PRKN: variants seen among roughly 807,000 people sequenced by gnomAD.
PRKN encodes the protein E3 ubiquitin-protein ligase parkin.
In PRKN, 56 loss-of-function variants were observed where a neutral mutation model predicts 59.5. The observed-to-expected ratio is 0.94, with a 90% confidence interval of 0.76 to 1.18. The LOEUF is 1.18. Among genes scored for constraint, PRKN ranks in the 50% most tolerant of loss-of-function variants. PRKN has a pLI of 0.00. For synonymous variants in PRKN, 250 were observed against 222.1 expected (o/e 1.13, Z -1.12); for missense variants, 657 against 596.4 (o/e 1.10, Z -1.06).
intron 5 of PRKN, among the ~76,000 whole-genome samples, chr6:162,047,054 C>A (rs1030219428): frequency 6.6e-6 from 1 of 152,136 alleles, no homozygotes; most frequent in African/African-American, 2.4e-5. Context: ...TGTCAGACAA[C>A]AGAGAACACT....
intron 7 of PRKN, among the ~76,000 whole-genome samples, chr6:161,614,420 A>C (rs1782612900): frequency 6.6e-6 from 1 of 152,226 alleles, no homozygotes; most frequent in Non-Finnish European, 1.5e-5. Context: ...GACAAACATA[A>C]TTTAAACAAA....
intron 7 of PRKN, among the ~76,000 whole-genome samples, chr6:161,763,047 C>T (rs1365889557): frequency 1.3e-5 from 2 of 152,188 alleles, no homozygotes; most frequent in Admixed American, 6.5e-5. Flanking sequence ...TCCTGACCTT[C>T]CTAGTGGCCT....
chr6:162,014,572 C>A lies in PRKN; in HGVS notation c.618+39519G>T, dbSNP rs530174833. On this transcript the variant is annotated intron_variant, in intron 5 of 11. Transcript: ENST00000366898. ...CGCACGGATCCACCTGACCCTTGACCAGTGCACCATTCCATGGAGGAAACA... is the reference window on the plus strand; with the variant it reads ...CGCACGGATCCACCTGACCCTTGACAAGTGCACCATTCCATGGAGGAAACA... 3.3e-5 allele frequency among the ~76,000 whole-genome samples: 5 copies of A among 152,310 alleles called. No homozygotes were observed. In the East Asian group the frequency reaches 9.7e-4, roughly 29 times the overall value.
intron 5 of PRKN, among the ~76,000 whole-genome samples, chr6:161,994,528 G>C (rs1403297056): frequency 6.6e-6 from 1 of 151,968 alleles, no homozygotes; most frequent in Non-Finnish European, 1.5e-5. Flanking sequence ...AGAAAGTCAA[G>C]TTGTCCCTCT....
chr6:162,275,798 C>T (rs1014345127), intron 2 of PRKN, among the ~76,000 whole-genome samples: 7 of 147,810 alleles, frequency 4.7e-5, no homozygotes, highest in Admixed American at 6.8e-5. Flanking sequence ...AAAAAAAAAA[C>T]GAAATTACAG....
chr6:162,037,129 T>G (rs1003279243), intron 5 of PRKN, among the ~76,000 whole-genome samples: 3 of 152,194 alleles, frequency 2.0e-5, no homozygotes, highest in Non-Finnish European at 4.4e-5. Context: ...ACATGTAAAA[T>G]ATTTTGCCCT....
chr6:162,481,099 A>G (rs901441298), intron 1 of PRKN, among the ~76,000 whole-genome samples: 7 of 152,202 alleles, frequency 4.6e-5, no homozygotes, highest in African/African-American at 1.7e-4. Flanking sequence ...CTGGGATTAC[A>G]GGCATGAGCC....
intron 6 of PRKN, among the ~76,000 whole-genome samples, chr6:161,969,816 T>G (rs1030814995): frequency 6.6e-6 from 1 of 152,208 alleles, no homozygotes; most frequent in African/African-American, 2.4e-5. Flanking sequence ...CATCTTGCTT[T>G]GCTGAGAGTC....
intron 2 of PRKN, chr6:162,271,476 G>A (rs1467817260): frequency 6.6e-6 from 1 of 151,666 alleles, no homozygotes; most frequent in East Asian, 1.9e-4. Flanking sequence ...CTGGGATGTG[G>A]ACGTTGCAGT....
intron 7 of PRKN, among the ~76,000 whole-genome samples, chr6:161,737,799 C>T (rs1425248570): frequency 3.9e-5 from 6 of 152,182 alleles, no homozygotes; most frequent in African/African-American, 1.4e-4. Context: ...AAAGCAATCG[C>T]TGTTCAGGGC....
intron 5 of PRKN, among the ~76,000 whole-genome samples, chr6:162,017,437 C>G (rs1435437661): frequency 6.6e-6 from 1 of 152,026 alleles, no homozygotes; most frequent in African/African-American, 2.4e-5. Context: ...ATATTAAGTG[C>G]CCCATAAATC....
At chr6:162,036,002 A>G (rs768587051) in intron 5 of PRKN, among the ~76,000 whole-genome samples, 1 of 152,168 alleles carries the variant, frequency 6.6e-6, no homozygotes, top group African/African-American at 2.4e-5. Context: ...GATCCTCCTA[A>G]TAATGATAAC....
At chr6:162,607,166 G>C (rs1239715888) in intron 1 of PRKN, among the ~76,000 whole-genome samples, 1 of 152,084 alleles carries the variant, frequency 6.6e-6, no homozygotes, top group Non-Finnish European at 1.5e-5. Context: ...AGAGATCTCT[G>C]GGTCTAGACT....
rs563471855 is a variant in PRKN, at chr6:161,993,027, C to G, written c.619-19610G>C. On this transcript the variant is annotated intron_variant, in intron 5 of 11. Transcript: ENST00000366898. The stretch of plus-strand genomic sequence containing the variant: ...AGTAGAAAGACTTCAAATTAACAAC[C>G]TAACAATGTACCTTAAAGAACTAGA... Among the ~76,000 whole-genome samples the G allele has an allele frequency of 1.1e-4, 17 of 152,002 alleles. No individual in the cohort carries two copies. The South Asian group carries it at 2.1e-3, about 19-fold the overall frequency.
intron 7 of PRKN, among the ~76,000 whole-genome samples, chr6:161,762,625 GA>G (rs1367095587): frequency 4.6e-5 from 7 of 152,114 alleles, no homozygotes; most frequent in African/African-American, 1.7e-4. Context: ...TATAAATTTA[GA>G]TTTAAATAAC....
At chr6:162,691,170 T>C (rs963683538) in intron 1 of PRKN, among the ~76,000 whole-genome samples, 1 of 152,176 alleles carries the variant, frequency 6.6e-6, no homozygotes, top group Non-Finnish European at 1.5e-5. Context: ...TAAAAATTTC[T>C]TTCAACAAAT....
chr6:162,575,737 C>T (rs1315745313), intron 1 of PRKN, among the ~76,000 whole-genome samples: 3 of 152,180 alleles, frequency 2.0e-5, no homozygotes, highest in Non-Finnish European at 4.4e-5. Context: ...CCCAGTCACA[C>T]AGGCTATAGG....
chr6:162,148,023 A>T (rs762018690), intron 4 of PRKN, among the ~76,000 whole-genome samples: 3 of 152,210 alleles, frequency 2.0e-5, no homozygotes, highest in Non-Finnish European at 2.9e-5. Context: ...GACAACCAGC[A>T]TGGAGGACCC....
chr6:161,944,122 ACCAGCCTGAGGG>A, intron 6 of PRKN, among the ~76,000 whole-genome samples: 2 of 143,386 alleles, frequency 1.4e-5, no homozygotes, highest in African/African-American at 2.6e-5. Context: ...AGCCTGAGGG[ACCAGCCTGAGGG>A]ATCAGCCTGA....
Sources: gnomAD v4.1 joint callset for allele counts (sites outside exome capture counted in the v4.1 genomes callset) on GRCh38, gnomAD v4.1.1 for gene constraint, MANE v1.5 for transcripts, NCBI Gene and HGNC (gene_info 2026-07-23, HGNC 2026-07-21) for gene names.